Variants in CLIC5 observed in about 807,000 individuals in gnomAD.
CLIC5 encodes chloride intracellular channel protein 5.
A neutral mutation model predicts 24.7 loss-of-function variants in CLIC5; 20 were observed. That is an observed-to-expected ratio of 0.81 (90% CI 0.57 to 1.18). CLIC5 has a LOEUF of 1.18. CLIC5 is among the 50% of genes most tolerant of loss of function. The pLI, the probability that CLIC5 is intolerant of heterozygous loss-of-function variation, is 0.00. For synonymous variants in CLIC5, 159 were observed against 135.6 expected, an observed-to-expected ratio of 1.17 and a Z score of -1.20; for missense variants, 341 against 326.1, an observed-to-expected ratio of 1.05 and a Z score of -0.35.
chr6:46,045,223 A>G (rs1767921793), intron 1 of CLIC5, among the ~76,000 whole-genome samples: 1 of 152,322 alleles, frequency 6.6e-6, no homozygotes, highest in Admixed American at 6.5e-5. Context: ...GAAAACAATT[A>G]CATTTTTTTT....
At chr6:45,994,267 A>G (rs1194114562) in intron 1 of CLIC5, among the ~76,000 whole-genome samples, 1 of 152,198 alleles carries the variant, frequency 6.6e-6, no homozygotes, top group Non-Finnish European at 1.5e-5. Flanking sequence ...TAGACTGGAT[A>G]AAGAAAATGT....
At chr6:45,944,110 G>T (rs1764216620) in intron 3 of CLIC5, among the ~76,000 whole-genome samples, 1 of 152,008 alleles carries the variant, frequency 6.6e-6, no homozygotes, top group African/African-American at 2.4e-5. Context: ...GATAATCAAA[G>T]AGATGATAAT....
At chr6:46,081,583 A>T (rs564105334), upstream of CLIC5, among the ~76,000 whole-genome samples, 4 of 152,296 alleles carry the variant, frequency 2.6e-5, no homozygotes, top group Non-Finnish European at 5.9e-5. Flanking sequence ...TCTTATTGAA[A>T]AGTGACATTC....
chr6:45,987,861 C>T (rs762026077), intron 1 of CLIC5, among the ~76,000 whole-genome samples: 4 of 152,234 alleles, frequency 2.6e-5, no homozygotes, highest in Admixed American at 6.5e-5. Context: ...TCTCCAGATA[C>T]AGTCACATTG....
chr6:46,032,981 A>ATTTTTTTT (rs35845581), intron 1 of CLIC5, among the ~76,000 whole-genome samples: 1 of 79,034 alleles, frequency 1.3e-5, no homozygotes, highest in Non-Finnish European at 2.4e-5. Context: ...GGAAATCTAC[A>ATTTTTTTT]TTTTTTTTTT....
chr6:45,908,359 A>G (rs1762719069), intron 5 of CLIC5, among the ~76,000 whole-genome samples: 2 of 152,030 alleles, frequency 1.3e-5, no homozygotes, highest in South Asian at 4.1e-4. Context: ...TCTAGGTGTG[A>G]TGTTACTTTG....
the CLIC5 span, among the ~76,000 whole-genome samples, chr6:46,087,434 G>A: frequency 0.13 from 20,162 of 152,048 alleles, 1,824 homozygotes; most frequent in South Asian, 0.33. Flanking sequence ...ATACCCTCAA[G>A]CTTTGAGGCA....
intron 1 of CLIC5, among the ~76,000 whole-genome samples, chr6:45,993,631 A>G (rs1255174677): frequency 2.0e-5 from 3 of 152,224 alleles, no homozygotes; most frequent in Non-Finnish European, 4.4e-5. Flanking sequence ...AAAACACAGC[A>G]TCATTCAATC....
chr6:46,088,639 T>C, the CLIC5 span, among the ~76,000 whole-genome samples: 48 of 152,224 alleles, frequency 3.2e-4, no homozygotes, highest in South Asian at 8.9e-3. Flanking sequence ...TCATGTACAT[T>C]TTTATTCTTT....
At chr6:45,914,844 G>A (rs1259128399) in intron 4 of CLIC5, among the ~76,000 whole-genome samples, 4 of 148,664 alleles carry the variant, frequency 2.7e-5, no homozygotes, top group African/African-American at 7.4e-5. Context: ...CCAGCTACTC[G>A]GGAGGCTGAG....
At chr6:46,049,599 A>G (rs1352977177) in intron 1 of CLIC5, among the ~76,000 whole-genome samples, 1 of 152,190 alleles carries the variant, frequency 6.6e-6, no homozygotes, top group Non-Finnish European at 1.5e-5. Flanking sequence ...CCCCATTTCA[A>G]TATAACCTTC....
At chr6:45,925,227 A>T (rs1763432833) in intron 4 of CLIC5, among the ~76,000 whole-genome samples, 1 of 152,140 alleles carries the variant, frequency 6.6e-6, no homozygotes, top group Non-Finnish European at 1.5e-5. Flanking sequence ...TGCTTTAGCC[A>T]CTGTAGTCAG....
intron 1 of CLIC5, among the ~76,000 whole-genome samples, chr6:45,990,008 C>T (rs1414812346): frequency 6.6e-6 from 1 of 152,156 alleles, no homozygotes. Context: ...TCCCTATGCA[C>T]AAGACCCTGC....
intron 6 of CLIC5, among the ~76,000 whole-genome samples, chr6:45,885,832 G>A (rs1054690284): frequency 2.0e-5 from 3 of 152,158 alleles, no homozygotes; most frequent in Admixed American, 6.5e-5. Flanking sequence ...AACAGTAAAT[G>A]TGATTCCACA....
At chr6:46,114,216 T>C in the CLIC5 span, among the ~76,000 whole-genome samples, 2 of 152,172 alleles carry the variant, frequency 1.3e-5, no homozygotes, top group African/African-American at 4.8e-5. Flanking sequence ...CTACCTTTTT[T>C]CTTTGTCTAG....
chr6:46,048,095 C>T (rs1268564748), intron 1 of CLIC5, among the ~76,000 whole-genome samples: 1 of 151,690 alleles, frequency 6.6e-6, no homozygotes, highest in East Asian at 1.9e-4. Flanking sequence ...CTCTACATCC[C>T]TGGTTCAAGC....
At chr6:46,085,660 C>T in the CLIC5 span, among the ~76,000 whole-genome samples, 2 of 152,220 alleles carry the variant, frequency 1.3e-5, no homozygotes, top group African/African-American at 4.8e-5. Context: ...AGTACCTGGC[C>T]ATGTGAGGTG....
At chr6:46,016,279 G>C (rs150036645), upstream of CLIC5, among the ~76,000 whole-genome samples, 1 of 152,128 alleles carries the variant, frequency 6.6e-6, no homozygotes. Flanking sequence ...TTAATAAAGC[G>C]TCAGCTCCTC....
exon 1 of CLIC5, chr6:46,080,267 T>C: frequency 6.5e-7 from 1 of 1,535,994 alleles, no homozygotes; most frequent in Non-Finnish European, 8.8e-7. Context: ...GAGATCTGTT[T>C]ACAGGGAGAC....
Sources: gnomAD v4.1 joint callset for allele counts (sites outside exome capture counted in the v4.1 genomes callset) on GRCh38, gnomAD v4.1.1 for gene constraint, MANE v1.5 for transcripts, NCBI Gene and HGNC (gene_info 2026-07-23, HGNC 2026-07-21) for gene names.